PDE12: variants seen among roughly 807,000 people sequenced by gnomAD.
The protein encoded by PDE12 is 2',5'-phosphodiesterase 12.
Under a neutral mutation model 45.4 loss-of-function variants are expected in PDE12, and 26 were observed. The ratio of observed to expected loss-of-function variants is 0.57; its 90% CI spans 0.42 to 0.79. PDE12 has a LOEUF of 0.79. PDE12 is among the 30% of genes least tolerant of loss of function. The probability of loss-of-function intolerance (pLI) is 0.00; values close to 1 mark genes in which losing one functional copy is unlikely to be tolerated. For synonymous variants in PDE12, 283 were observed against 323.9 expected, an observed-to-expected ratio of 0.87 and a Z score of 1.36; for missense variants, 668 against 790.0, an observed-to-expected ratio of 0.85 and a Z score of 1.85.
At chr3:57,619,781 C>CA in the PDE12 span, among the ~76,000 whole-genome samples, 1 of 151,744 alleles carries the variant, frequency 6.6e-6, no homozygotes, top group South Asian at 2.1e-4. Context: ...ACCCGGGAGG[C>CA]AGAGGTTGCA....
At chr3:57,558,194 A>T (rs1275394103) in intron 1 of PDE12, among the ~76,000 whole-genome samples, 1 of 112,038 alleles carries the variant, frequency 8.9e-6, no homozygotes, top group Non-Finnish European at 2.1e-5. Flanking sequence ...GTTCATAATA[A>T]GAAGAGCAGC....
chr3:57,595,154 T>C, the PDE12 span, among the ~76,000 whole-genome samples: 1 of 152,216 alleles, frequency 6.6e-6, no homozygotes, highest in Admixed American at 6.5e-5. Flanking sequence ...CCTCCCAATA[T>C]AGTAAATATA....
the PDE12 span, among the ~76,000 whole-genome samples, chr3:57,590,246 G>C: frequency 6.6e-6 from 1 of 151,980 alleles, no homozygotes; most frequent in Non-Finnish European, 1.5e-5. Context: ...CAGCACTTTG[G>C]GAGGCTGAGG....
At chr3:57,628,756 G>A in the PDE12 span, 1 of 1,551,278 alleles carries the variant, frequency 6.4e-7, no homozygotes, top group South Asian at 1.2e-5. Flanking sequence ...TCACATGAGA[G>A]GACAATGTCT....
At chr3:57,587,220 G>A in the PDE12 span, among the ~76,000 whole-genome samples, 2 of 151,336 alleles carry the variant, frequency 1.3e-5, no homozygotes, top group Non-Finnish European at 2.9e-5. Flanking sequence ...TCTGGAGGCT[G>A]AGGCAGGAGA....
chr3:57,646,534 A>C, the PDE12 span: 1 of 1,438,566 alleles, frequency 7.0e-7, no homozygotes, highest in East Asian at 2.5e-5. Context: ...CATTGATATA[A>C]ATTCTTCCTG....
chr3:57,613,638 C>T, the PDE12 span, among the ~76,000 whole-genome samples: 4 of 151,628 alleles, frequency 2.6e-5, no homozygotes, highest in South Asian at 4.2e-4. Flanking sequence ...CTGTGGCTCA[C>T]GCCTGTAATC....
At chr3:57,570,189 C>T (rs1208329645), downstream of PDE12, among the ~76,000 whole-genome samples, 4 of 149,426 alleles carry the variant, frequency 2.7e-5, no homozygotes, top group Non-Finnish European at 5.9e-5. Context: ...AATCATCAAC[C>T]AATTCTAATT....
the PDE12 span, among the ~76,000 whole-genome samples, chr3:57,655,640 C>T: frequency 6.6e-6 from 1 of 152,048 alleles, no homozygotes; most frequent in African/African-American, 2.4e-5. Context: ...TTTTAAATTA[C>T]GTTCAGGCTA....
the PDE12 span, among the ~76,000 whole-genome samples, chr3:57,590,123 A>ATAAG: frequency 2.0e-5 from 3 of 147,656 alleles, no homozygotes; most frequent in East Asian, 5.8e-4. Context: ...AAATAAATAA[A>ATAAG]TAAATAAATA....
chr3:57,649,642 AT>A, the PDE12 span, among the ~76,000 whole-genome samples: 26 of 125,562 alleles, frequency 2.1e-4, no homozygotes, highest in Admixed American at 3.9e-4. Context: ...AAAAAAAAAA[AT>A]ATATATATAT....
At chr3:57,621,041 T>C in the PDE12 span, among the ~76,000 whole-genome samples, 1 of 152,118 alleles carries the variant, frequency 6.6e-6, no homozygotes, top group South Asian at 2.1e-4. Flanking sequence ...GGACACAAAC[T>C]GGAGGGCTAA....
chr3:57,606,708 T>G, the PDE12 span, among the ~76,000 whole-genome samples: 1 of 152,082 alleles, frequency 6.6e-6, no homozygotes, highest in Non-Finnish European at 1.5e-5. Context: ...GAAACATTAT[T>G]GTAAGGTTCC....
At chr3:57,641,580 T>A in the PDE12 span, 16 of 1,293,748 alleles carry the variant, frequency 1.2e-5, no homozygotes, top group African/African-American at 2.3e-4. Context: ...TAAAAAATAA[T>A]CAAGGATGAA....
the PDE12 span, among the ~76,000 whole-genome samples, chr3:57,608,069 T>TG: frequency 6.6e-6 from 1 of 151,884 alleles, no homozygotes; most frequent in Non-Finnish European, 1.5e-5. Context: ...CAGAAGAGAG[T>TG]GGGGGCCAAT....
chr3:57,584,808 C>G, the PDE12 span, among the ~76,000 whole-genome samples: 1 of 148,290 alleles, frequency 6.7e-6, no homozygotes, highest in African/African-American at 2.5e-5. Context: ...TGGATCAGAT[C>G]ATCTAAGATC....
the PDE12 span, among the ~76,000 whole-genome samples, chr3:57,599,717 C>A: frequency 6.6e-6 from 1 of 152,126 alleles, no homozygotes; most frequent in Admixed American, 6.5e-5. Context: ...TAATGGCAGA[C>A]TGTAATATCT....
chr3:57,556,384 G>A lies in PDE12; in HGVS notation c.5G>A (p.Trp2Ter). 1 of 1,572,278 alleles carries A rather than the reference G, an allele frequency of 6.4e-7. No homozygotes were observed. The highest frequency in any genetic ancestry group is 8.6e-7 in the Non-Finnish European group (1 of 1,159,636). Residue 2 changes from tryptophan (W) to a stop codon, truncating the protein, a stop_gained, in exon 1 of 3, where the codon TGG (tryptophan) becomes TAG (stop). Transcript: ENST00000311180. LOFTEE classifies it high-confidence loss of function. This position sits in a 1 kb window ranked among gnomAD's most constrained non-coding sequence, Gnocchi z 5.0. M[W>*]RLPGARAALR... The stretch of plus-strand genomic sequence containing the variant: ...GACCGCTAGGCCACCAGGTTCATGT[G>A]GAGGCTCCCAGGCGCCCGCGCCGCG...
At chr3:57,558,885 A>T (rs2069695382) in intron 1 of PDE12, among the ~76,000 whole-genome samples, 1 of 152,066 alleles carries the variant, frequency 6.6e-6, no homozygotes, top group African/African-American at 2.4e-5. Flanking sequence ...CTAGTTCATC[A>T]AGGGAAGGAG....
Sources: allele counts gnomAD v4.1 joint callset (sites outside exome capture counted in the v4.1 genomes callset), GRCh38; gene constraint gnomAD v4.1.1; non-coding constraint Gnocchi (gnomAD v3.1); transcripts MANE v1.5; gene names NCBI Gene and HGNC (gene_info 2026-07-23, HGNC 2026-07-21).